Variants in SCP2 observed in about 807,000 individuals in gnomAD.
The protein encoded by SCP2 is SCP-2/3-oxoacyl-CoA thiolase.
A neutral mutation model predicts 71.4 loss-of-function variants in SCP2; 48 were observed. The ratio of observed to expected loss-of-function variants is 0.67; its 90% CI spans 0.53 to 0.86. SCP2 has a LOEUF of 0.86. SCP2 is among the 40% of genes least tolerant of loss of function. The probability of loss-of-function intolerance (pLI) is 0.00; values close to 1 mark genes in which losing one functional copy is unlikely to be tolerated. For synonymous variants in SCP2, 220 were observed against 218.1 expected (o/e 1.01, Z -0.08); for missense variants, 560 against 655.6 (o/e 0.85, Z 1.59).
intron 11 of SCP2, among the ~76,000 whole-genome samples, chr1:53,000,728 G>A (rs1318733079): frequency 3.3e-5 from 5 of 152,184 alleles, no homozygotes; most frequent in East Asian, 3.9e-4. Flanking sequence ...AGGCTGAGGC[G>A]GGCAGATCGC....
chr1:53,025,153 G>A (rs1479101389), intron 12 of SCP2, among the ~76,000 whole-genome samples: 2 of 152,090 alleles, frequency 1.3e-5, no homozygotes, highest in Non-Finnish European at 2.9e-5. Flanking sequence ...CACATCTAGT[G>A]GATACTTGAC....
chr1:52,977,954 G>A (rs1401042100), intron 8 of SCP2, among the ~76,000 whole-genome samples: 2 of 147,104 alleles, frequency 1.4e-5, no homozygotes, highest in Admixed American at 6.8e-5. Flanking sequence ...CAACAAGAGC[G>A]AAACTCCATC....
intron 14 of SCP2, among the ~76,000 whole-genome samples, chr1:53,045,827 C>T (rs1164607771): frequency 6.6e-6 from 1 of 152,184 alleles, no homozygotes; most frequent in East Asian, 1.9e-4. Context: ...TTTCCATTAC[C>T]CCAGAAAGTG....
At chr1:52,945,086 C>T (rs999035566) in intron 2 of SCP2, among the ~76,000 whole-genome samples, 1 of 152,030 alleles carries the variant, frequency 6.6e-6, no homozygotes, top group African/African-American at 2.4e-5. Flanking sequence ...AAAATTTTGA[C>T]CCAGACCTAG....
intron 12 of SCP2, among the ~76,000 whole-genome samples, chr1:53,016,052 A>G (rs1248956485): frequency 6.6e-6 from 1 of 150,574 alleles, no homozygotes; most frequent in Non-Finnish European, 1.5e-5. Context: ...TTTTTTTATT[A>G]TTATACTTTA....
intron 1 of SCP2, chr1:52,940,545 C>T (rs1305232377): frequency 6.5e-6 from 1 of 154,250 alleles, no homozygotes; most frequent in Non-Finnish European, 1.5e-5. Flanking sequence ...AGCTCTATGC[C>T]CCTGGGTTAG....
chr1:52,934,327 G>GT (rs988553979), intron 1 of SCP2, among the ~76,000 whole-genome samples: 3 of 150,778 alleles, frequency 2.0e-5, no homozygotes, highest in Non-Finnish European at 4.4e-5. Flanking sequence ...TTTTTTTTTT[G>GT]TTTTTTAACG....
Position 53,009,425 on chromosome 1 carries a change from A to G in SCP2, c.1082-5465A>G, listed in dbSNP as rs181008236. 2.0e-4 allele frequency among the ~76,000 whole-genome samples: 30 copies of G among 152,384 alleles called. 1 individual carries two copies. Among genetic ancestry groups the G allele is most frequent in the Admixed American group, 1.8e-3 (27 of 15,312 alleles). ...AACAGCATGGTACTGGTATCAAAAC[A>G]GAGATATAGACCAATGGAACAGAAC... On this transcript the variant is annotated intron_variant, in intron 11 of 15. Coordinates refer to ENST00000371514, the MANE Select transcript of SCP2 (RefSeq NM_002979.5).
chr1:53,003,048 A>G (rs1384416198), intron 11 of SCP2, among the ~76,000 whole-genome samples: 1 of 152,090 alleles, frequency 6.6e-6, no homozygotes, highest in African/African-American at 2.4e-5. Flanking sequence ...CCTTGTTTCC[A>G]TTGCCCAGAG....
At chr1:52,962,108 G>T (rs1383262856) in intron 6 of SCP2, among the ~76,000 whole-genome samples, 1 of 152,060 alleles carries the variant, frequency 6.6e-6, no homozygotes, top group Non-Finnish European at 1.5e-5. Context: ...TTGCCATGTT[G>T]CCCAGGCTGG....
At chr1:52,999,916 A>G (rs1008051635) in intron 11 of SCP2, among the ~76,000 whole-genome samples, 56 of 148,958 alleles carry the variant, frequency 3.8e-4, no homozygotes, top group African/African-American at 1.3e-3. Flanking sequence ...TCCCAGGTTC[A>G]AGTGATTCTT....
chr1:52,984,873 C>T (rs968692603), intron 10 of SCP2, among the ~76,000 whole-genome samples: 4 of 144,558 alleles, frequency 2.8e-5, no homozygotes, highest in African/African-American at 7.8e-5. Context: ...CAGTTTTGCT[C>T]TTGCTGCCCA....
intron 1 of SCP2, among the ~76,000 whole-genome samples, chr1:52,939,050 G>T (rs79097509): frequency 0.017 from 2,651 of 152,246 alleles, 75 homozygotes; most frequent in African/African-American, 0.061. Context: ...ATCATAGTTT[G>T]TAGTCTTTTA....
Position 52,943,518 on chromosome 1 carries a change from C to T in SCP2, c.127+1665C>T, listed in dbSNP as rs566392836. 6.1e-5 allele frequency: 14 copies of T among 228,072 alleles called. No individual in the cohort carries two copies. In the East Asian group the frequency reaches 8.8e-4, roughly 14 times the overall value. 14.1% of individuals were successfully genotyped at this position (228,072 alleles called of 1,614,324 possible). On this transcript the variant is annotated intron_variant, in intron 2 of 15. Coordinates refer to ENST00000371514, the MANE Select transcript of SCP2 (RefSeq NM_002979.5). ...ATTACAGGCGTGAGCCACCGCACCC[C>T]GCCCATAGTGGGTTCTTAAGCACAT...
At chr1:53,034,880 C>T (rs765962857) in intron 13 of SCP2, among the ~76,000 whole-genome samples, 25 of 152,058 alleles carry the variant, frequency 1.6e-4, no homozygotes, top group Non-Finnish European at 2.8e-4. Context: ...CCGAGGCAGG[C>T]GGATCATGAG....
chr1:52,972,111 A>G (rs1657553816), intron 6 of SCP2, among the ~76,000 whole-genome samples: 1 of 152,208 alleles, frequency 6.6e-6, no homozygotes, highest in African/African-American at 2.4e-5. Context: ...ATTTTATATA[A>G]TTTAAATTGT....
At chr1:52,960,094 G>A (rs1319589910) in intron 5 of SCP2, among the ~76,000 whole-genome samples, 3 of 151,822 alleles carry the variant, frequency 2.0e-5, no homozygotes, top group Admixed American at 6.6e-5. Context: ...GTTTCACCAC[G>A]TTGGCCAGGC....
At chr1:53,013,421 T>TAAAA (rs776237493) in intron 11 of SCP2, among the ~76,000 whole-genome samples, 11 of 117,200 alleles carry the variant, frequency 9.4e-5, no homozygotes, top group Admixed American at 1.9e-4. Flanking sequence ...CCGTCTCTAC[T>TAAAA]AAAAAAAAAA....
Position 52,995,906 on chromosome 1 carries a change from A to G in SCP2, c.1081+7770A>G, listed in dbSNP as rs750428850. The stretch of plus-strand genomic sequence containing the variant: ...GTACACAGCTGAGGGCATGGATGAG[A>G]CGAGAGTTCAACAAGGCTGAGAGCA... On this transcript the variant is annotated intron_variant, in intron 11 of 15. Coordinates refer to ENST00000371514, the MANE Select transcript of SCP2 (RefSeq NM_002979.5). 6.5e-5 allele frequency: 97 copies of G among 1,491,260 alleles called. No homozygotes were observed. In the Middle Eastern group the frequency reaches 1.5e-3, roughly 23 times the overall value. The allele number at this position is 1,491,260 out of a possible 1,614,324, so 92.4% of individuals were successfully genotyped here.
Sources: allele counts gnomAD v4.1 joint callset (sites outside exome capture counted in the v4.1 genomes callset), GRCh38; gene constraint gnomAD v4.1.1; transcripts MANE v1.5; gene names NCBI Gene and HGNC (gene_info 2026-07-23, HGNC 2026-07-21).